The following PHC3 variants were observed in gnomAD, a reference collection of about 807,000 sequenced individuals.
PHC3 encodes polyhomeotic-like protein 3.
A neutral mutation model predicts 107.4 loss-of-function variants in PHC3; 13 were observed. The ratio of observed to expected loss-of-function variants is 0.12; its 90% confidence interval spans 0.08 to 0.19. The LOEUF is 0.19. Ranked by LOEUF, PHC3 falls within the 10% of genes least tolerant of loss-of-function variation. The probability of loss-of-function intolerance (pLI) is 1.00; values close to 1 mark genes in which losing one functional copy is unlikely to be tolerated. For missense variants in PHC3, 992 were observed against 1,210.9 expected, an observed-to-expected ratio of 0.82 and a Z score of 2.68; for synonymous variants, 456 against 427.4, an observed-to-expected ratio of 1.07 and a Z score of -0.83.
intron 14 of PHC3, among the ~76,000 whole-genome samples, chr3:170,102,016 TAC>T (rs1715571707): frequency 6.6e-6 from 1 of 152,194 alleles, no homozygotes; most frequent in African/African-American, 2.4e-5. Flanking sequence ...ACCAAATTTT[TAC>T]ATTTTAAAAG....
chr3:170,117,511 T>G (rs1473813594), intron 9 of PHC3, 35 bp from the exon 10 acceptor site: 1 of 1,574,860 alleles, frequency 6.3e-7, no homozygotes, highest in Admixed American at 1.9e-5. Flanking sequence ...TTAAAAATTT[T>G]TTTAGCATTT....
intron 4 of PHC3, among the ~76,000 whole-genome samples, chr3:170,165,821 A>C (rs985113544): frequency 6.6e-6 from 1 of 151,106 alleles, no homozygotes; most frequent in African/African-American, 2.4e-5. Flanking sequence ...GCTTCAAAGA[A>C]GTCAGGCCCA....
At chr3:170,136,770 T>G in intron 6 of PHC3, 105 bp from the exon 7 acceptor site, 1 of 1,211,900 alleles carries the variant, frequency 8.3e-7, no homozygotes, top group Non-Finnish European at 1.1e-6. Context: ...TATTATGCTT[T>G]TCATACGTAA....
chr3:170,129,486 G>A lies in PHC3; in HGVS notation c.986C>T (p.Pro329Leu), dbSNP rs773164865. ...CAGCTGATGATGGGAAACTTTGGAA[G>A]GTGGTGAATGAAGAGGAATCTGCTG... ...KHQQIPLHSP[P>L]SKVSHHQLIL... The change falls in exon 8 of 15, where the codon CCT becomes CTT. Residue 329 changes from proline (P) to leucine (L), a missense_variant. Coordinates refer to ENST00000495893, the MANE Select transcript of PHC3 (RefSeq NM_024947.4). The A allele has an allele frequency of 6.2e-7, 1 of 1,613,786 alleles. No homozygotes were observed. The highest frequency in any genetic ancestry group is 8.5e-7 in the Non-Finnish European group (1 of 1,179,768).
At chr3:170,149,310 C>T in intron 4 of PHC3, 66 bp from the exon 5 acceptor site, 1 of 1,487,416 alleles carries the variant, frequency 6.7e-7, no homozygotes, top group Non-Finnish European at 9.1e-7. Flanking sequence ...GAATTTCACA[C>T]CGAGCTGCAG....
At chr3:170,098,705 G>C (rs780022137) in intron 14 of PHC3, among the ~76,000 whole-genome samples, 21 of 151,652 alleles carry the variant, frequency 1.4e-4, no homozygotes, top group Admixed American at 3.3e-4. Flanking sequence ...TTTTTCTCTT[G>C]CTTATTTCTT....
intron 5 of PHC3, chr3:170,148,723 T>C (rs1043948134): frequency 6.4e-6 from 1 of 157,190 alleles, no homozygotes; most frequent in African/African-American, 2.4e-5. Context: ...GCAATGATTT[T>C]ATGGACCACT....
chr3:170,168,541 G>A (rs1000002200), intron 4 of PHC3, among the ~76,000 whole-genome samples: 18 of 152,008 alleles, frequency 1.2e-4, no homozygotes, highest in Admixed American at 4.6e-4. Flanking sequence ...CGAGGCAGGT[G>A]GATCACAAGG....
chr3:170,171,419 G>A lies in PHC3; in HGVS notation c.368C>T (p.Ser123Phe). The stretch of plus-strand genomic sequence containing the variant: ...CTGCTGTGTGACACTTCCTGTGGGA[G>A]ATGTAGATGGTCTTCCACTGGACAA... ...ASLSSGRPSTSPTGSVTQQSS... is the reference protein window; with the variant it reads ...ASLSSGRPSTFPTGSVTQQSS... The change falls in exon 4 of 15, where the codon TCT (serine) becomes TTT (phenylalanine). Residue 123 changes from serine to phenylalanine, a missense_variant. Around this residue, in one of 6 missense-constraint regions of PHC3, gnomAD observed 161 missense variants for 183.7 expected, o/e 0.88. Transcript: ENST00000495893. The A allele has an allele frequency of 3.1e-6, 5 of 1,606,968 alleles. No homozygotes were observed. The highest frequency in any genetic ancestry group is 4.2e-6 in the Non-Finnish European group (5 of 1,177,494).
chr3:170,119,107 A>G (rs1181979795), intron 9 of PHC3, among the ~76,000 whole-genome samples: 1 of 151,886 alleles, frequency 6.6e-6, no homozygotes, highest in Non-Finnish European at 1.5e-5. Flanking sequence ...GCTGATTTCT[A>G]GGAACAAATA....
chr3:170,122,437 C>A (rs1459337412), intron 9 of PHC3, among the ~76,000 whole-genome samples, 154 bp downstream of exon 9: 1 of 151,940 alleles, frequency 6.6e-6, no homozygotes, highest in Non-Finnish European at 1.5e-5. Context: ...AACCTCGTCA[C>A]CATAAAAAAT....
In PHC3 at chr3:170,171,556, G is replaced by C. The variant is rs897394600; in HGVS notation, c.337-106C>G. 1.9e-5 allele frequency: 14 copies of C among 729,840 alleles called. No individual in the cohort carries two copies. The African/African-American group carries it at 2.5e-4, about 13-fold the overall frequency. 45.2% of individuals were successfully genotyped at this position (729,840 alleles called of 1,614,324 possible). ...CAACAATAAATGTCAAAAGGCCTAT[G>C]TATGAAACAACTAATTTTATAGTCA... is the stretch of plus-strand genomic sequence containing the variant. On this transcript the variant is annotated intron_variant, in intron 3 of 14. Coordinates refer to ENST00000495893, the MANE Select transcript of PHC3 (RefSeq NM_024947.4).
chr3:170,179,026 T>TTTAGATTACTGCTG, intron 1 of PHC3, 88 bp from the exon 2 acceptor site: 7 of 1,247,322 alleles, frequency 5.6e-6, no homozygotes, highest in Non-Finnish European at 8.0e-6. Context: ...TAATCAGCAG[T>TTTAGATTACTGCTG]AATCTAAACT....
intron 14 of PHC3, among the ~76,000 whole-genome samples, chr3:170,101,528 A>C (rs1715472724): frequency 6.6e-6 from 1 of 152,312 alleles, no homozygotes; most frequent in Admixed American, 6.5e-5. Context: ...TCTTCTAGAA[A>C]GCTTGTATCA....
At chr3:170,147,503 T>C (rs1725180342) in intron 5 of PHC3, 1 of 152,142 alleles carries the variant, frequency 6.6e-6, no homozygotes, top group South Asian at 2.1e-4. Context: ...CAAAACAATA[T>C]TCATTTAAAA....
chr3:170,158,202 A>G lies in PHC3; in HGVS notation c.415-8958T>C, dbSNP rs138948871. ...TCATGAAAGAAAAAAAATGAAGTCT[A>G]TTTTTATATTAAAAAGAAAAAAGAG... is the stretch of plus-strand genomic sequence containing the variant. On this transcript the variant is annotated intron_variant, in intron 4 of 14. Transcript: ENST00000495893. Among the ~76,000 whole-genome samples the G allele has an allele frequency of 1.4e-3, 212 of 152,266 alleles. 1 individual carries two copies. The highest frequency in any genetic ancestry group is 5.0e-3 in the African/African-American group (208 of 41,564).
At position 170,132,082 on chromosome 3, in the gene PHC3, G is replaced by GA. The variant is rs146321216; in HGVS notation, c.920-2531dup. Among the ~76,000 whole-genome samples the GA allele has an allele frequency of 4.3e-3, 649 of 151,824 alleles. 20 individuals carry two copies. The East Asian group carries it at 0.099, about 23-fold the overall frequency. ...TAAAAGAAAAGACCTAGTGCTCTGG[G>GA]AAAAAAAATCCTATCATGTTGGTTA... is the stretch of plus-strand genomic sequence containing the variant. On this transcript the variant is annotated intron_variant, in intron 7 of 14. Transcript: ENST00000495893.
At chr3:170,104,081 A>T (rs1489274618) in intron 12 of PHC3, among the ~76,000 whole-genome samples, 2 of 152,064 alleles carry the variant, frequency 1.3e-5, no homozygotes, top group South Asian at 2.1e-4. Context: ...AAACAATAAA[A>T]ATAAAAAAAT....
At chr3:170,113,681 G>A (rs1247124340) in intron 10 of PHC3, among the ~76,000 whole-genome samples, 162 bp from the exon 11 acceptor site, 6 of 152,144 alleles carry the variant, frequency 3.9e-5, no homozygotes, top group Non-Finnish European at 1.5e-5. Flanking sequence ...AAAAGATGAG[G>A]CAGAGTGGAC....
Sources: gnomAD v4.1 joint callset for allele counts (sites outside exome capture counted in the v4.1 genomes callset) on GRCh38, gnomAD v4.1.1 for gene constraint, gnomAD v4.1.1 regional missense constraint, MANE v1.5 for transcripts, NCBI Gene and HGNC (gene_info 2026-07-23, HGNC 2026-07-21) for gene names.